VAV3: variants seen among roughly 807,000 people sequenced by gnomAD.
VAV3 encodes guanine nucleotide exchange factor VAV3.
A neutral mutation model predicts 131.2 loss-of-function variants in VAV3; 94 were observed. The ratio of observed to expected loss-of-function variants is 0.72; its 90% CI spans 0.61 to 0.85. VAV3 has a LOEUF of 0.85. Ranked by LOEUF, VAV3 falls within the 40% of genes least tolerant of loss-of-function variation. VAV3 has a pLI of 0.00. For missense variants in VAV3, 939 were observed against 1,002.7 expected (o/e 0.94, Z 0.86); for synonymous variants, 349 against 342.0 (o/e 1.02, Z -0.22).
At chr1:107,829,023 A>T (rs1305160398) in intron 2 of VAV3, among the ~76,000 whole-genome samples, 2 of 152,202 alleles carry the variant, frequency 1.3e-5, no homozygotes, top group South Asian at 4.1e-4. Context: ...GAAGCTTCTC[A>T]CATAACAAAT....
intron 1 of VAV3, among the ~76,000 whole-genome samples, chr1:107,894,808 C>G (rs1045146611): frequency 6.6e-6 from 1 of 152,068 alleles, no homozygotes; most frequent in Non-Finnish European, 1.5e-5. Flanking sequence ...TAGAAGTACC[C>G]CTAATGACAG....
At chr1:107,912,059 T>C (rs1027148816) in intron 1 of VAV3, among the ~76,000 whole-genome samples, 3 of 150,422 alleles carry the variant, frequency 2.0e-5, no homozygotes, top group African/African-American at 7.3e-5. Context: ...GTTTGTTTGT[T>C]TGTGTGTGTG....
At chr1:107,591,427 G>GAATGAATA (rs1162164619) in intron 25 of VAV3, among the ~76,000 whole-genome samples, 1 of 150,598 alleles carries the variant, frequency 6.6e-6, no homozygotes, top group Admixed American at 6.6e-5. Context: ...ATGAATGAAT[G>GAATGAATA]AATGAATAAA....
chr1:107,815,234 C>G (rs1033236455), intron 2 of VAV3, among the ~76,000 whole-genome samples: 7 of 152,328 alleles, frequency 4.6e-5, no homozygotes, highest in South Asian at 2.1e-4. Context: ...CATTTACATT[C>G]TAGCCTCCAT....
intron 25 of VAV3, among the ~76,000 whole-genome samples, chr1:107,582,423 T>C (rs901112256): frequency 1.3e-5 from 2 of 152,128 alleles, no homozygotes; most frequent in Non-Finnish European, 2.9e-5. Flanking sequence ...ATATTTTTTA[T>C]TATTATACTT....
intron 2 of VAV3, among the ~76,000 whole-genome samples, chr1:107,863,114 A>G (rs563921367): frequency 3.3e-5 from 5 of 152,326 alleles, no homozygotes; most frequent in Admixed American, 6.5e-5. Context: ...TTAATTTGAA[A>G]CCCACTGTAA....
At chr1:107,963,487 GGTT>G (rs1471501665) in intron 1 of VAV3, 1 of 152,234 alleles carries the variant, frequency 6.6e-6, no homozygotes, top group Admixed American at 6.5e-5. Context: ...CCCACCAGCA[GGTT>G]GAAGGCAAAC....
intron 1 of VAV3, among the ~76,000 whole-genome samples, chr1:107,927,709 G>A (rs1673230192): frequency 6.6e-6 from 1 of 152,028 alleles, no homozygotes; most frequent in African/African-American, 2.4e-5. Context: ...GAAAGGGGAG[G>A]GAAGAGTAGG....
chr1:107,581,803 T>C (rs531677558), intron 25 of VAV3, among the ~76,000 whole-genome samples: 1 of 152,284 alleles, frequency 6.6e-6, no homozygotes, highest in East Asian at 1.9e-4. Context: ...CAGATGAAAA[T>C]TTACTCAGTT....
intron 15 of VAV3, among the ~76,000 whole-genome samples, chr1:107,744,664 C>T (rs1663226181): frequency 6.6e-6 from 1 of 152,120 alleles, no homozygotes; most frequent in African/African-American, 2.4e-5. Context: ...AACTTAAATA[C>T]AATTATACTT....
intron 15 of VAV3, among the ~76,000 whole-genome samples, chr1:107,745,039 T>A (rs980726414): frequency 1.3e-5 from 2 of 152,194 alleles, no homozygotes; most frequent in African/African-American, 4.8e-5. Context: ...GGGGAAAACA[T>A]ATCCATAGCT....
At chr1:107,739,696 T>C (rs1239683912) in intron 15 of VAV3, among the ~76,000 whole-genome samples, 1 of 152,226 alleles carries the variant, frequency 6.6e-6, no homozygotes, top group East Asian at 1.9e-4. Context: ...ACAGACAGTT[T>C]ATAGACATAT....
chr1:107,676,070 A>C (rs1175922098), intron 19 of VAV3, among the ~76,000 whole-genome samples: 1 of 152,168 alleles, frequency 6.6e-6, no homozygotes, highest in Non-Finnish European at 1.5e-5. Context: ...AAGGATGAAA[A>C]CTGTCTGAAA....
chr1:107,718,379 G>A (rs1466375208), intron 15 of VAV3, among the ~76,000 whole-genome samples: 3 of 152,098 alleles, frequency 2.0e-5, no homozygotes, highest in African/African-American at 7.2e-5. Flanking sequence ...CAAAATCAAG[G>A]CGCAAAAATC....
At chr1:107,630,351 ATGGATGGAT>A (rs1654372099) in intron 20 of VAV3, among the ~76,000 whole-genome samples, 4 of 151,472 alleles carry the variant, frequency 2.6e-5, no homozygotes, top group East Asian at 1.9e-4. Context: ...GGATGGGAGG[ATGGATGGAT>A]GGATGGATGG....
chr1:107,659,889 T>A lies in VAV3; in HGVS notation c.1778-17134A>T, dbSNP rs567392282. Among the ~76,000 whole-genome samples the A allele has an allele frequency of 5.3e-5, 8 of 152,280 alleles. No homozygotes were observed. The South Asian group carries it at 1.7e-3, about 32-fold the overall frequency. ...GTGGTGAGGGCTAAACTAGACCTTT[T>A]CCATCCCTCATCCGCACAATGTTAA... On this transcript the variant is annotated intron_variant, in intron 19 of 26. Coordinates refer to ENST00000370056, the MANE Select transcript of VAV3 (RefSeq NM_006113.5).
chr1:107,573,482 T>C, intron 26 of VAV3, 110 bp from the exon 27 acceptor site: 1 of 1,295,344 alleles, frequency 7.7e-7, no homozygotes, highest in Non-Finnish European at 1.1e-6. Flanking sequence ...AACTGGGGTT[T>C]TATGTCCATT....
intron 2 of VAV3, among the ~76,000 whole-genome samples, chr1:107,801,399 T>C (rs1176950292): frequency 1.1e-4 from 16 of 152,138 alleles, no homozygotes; most frequent in Non-Finnish European, 4.4e-5. Context: ...TTGCTTTGAG[T>C]AGCACTGTCA....
At chr1:107,757,135 G>T in intron 11 of VAV3, 126 bp downstream of exon 11, 1 of 588,894 alleles carries the variant, frequency 1.7e-6, no homozygotes, top group Non-Finnish European at 2.8e-6. Flanking sequence ...ATATGTTTGT[G>T]TATATATATG....
Sources: allele counts gnomAD v4.1 joint callset (sites outside exome capture counted in the v4.1 genomes callset), GRCh38; gene constraint gnomAD v4.1.1; transcripts MANE v1.5; gene names NCBI Gene and HGNC (gene_info 2026-07-23, HGNC 2026-07-21).